Variants in VPS54 observed in about 807,000 individuals in gnomAD.
VPS54 encodes the protein VPS54 subunit of GARP complex.
In VPS54, 45 loss-of-function variants were observed where a neutral mutation model predicts 121.5. That is an observed-to-expected ratio of 0.37 (90% CI 0.29 to 0.47). The LOEUF is 0.47. VPS54 is among the 20% of genes least tolerant of loss of function. VPS54 has a pLI of 0.99. For missense variants in VPS54, 1,090 were observed against 1,131.4 expected, an observed-to-expected ratio of 0.96 and a Z score of 0.52; for synonymous variants, 371 against 385.8, an observed-to-expected ratio of 0.96 and a Z score of 0.45.
chr2:63,943,727 CTT>C (rs1553476083), intron 10 of VPS54, among the ~76,000 whole-genome samples: 2 of 129,600 alleles, frequency 1.5e-5, no homozygotes. Context: ...TTCTTTCTTT[CTT>C]TTTTTTTTTT....
chr2:64,014,456 A>G (rs1678586984), intron 1 of VPS54, among the ~76,000 whole-genome samples: 4 of 152,232 alleles, frequency 2.6e-5, no homozygotes, highest in African/African-American at 7.2e-5. Flanking sequence ...TTACTGTGCT[A>G]TAACGGTGAT....
chr2:63,921,111 A>G (rs1673622859), intron 13 of VPS54, 95 bp downstream of exon 13: 1 of 1,291,704 alleles, frequency 7.7e-7, no homozygotes, highest in South Asian at 1.8e-5. Flanking sequence ...TAAAAATATA[A>G]TATGCATTAT....
At chr2:63,972,580 T>C (rs1352080925) in intron 3 of VPS54, among the ~76,000 whole-genome samples, 3 of 152,170 alleles carry the variant, frequency 2.0e-5, no homozygotes, top group South Asian at 2.1e-4. Context: ...CAAAAACCTA[T>C]ATATCTAAGA....
In VPS54 at chr2:63,981,710, G is replaced by C; in HGVS notation, c.314C>G (p.Pro105Arg). 1 of 1,613,376 alleles carries C rather than the reference G, an allele frequency of 6.2e-7. No homozygotes were observed. Among genetic ancestry groups the C allele is most frequent in the Non-Finnish European group, 8.5e-7 (1 of 1,179,556 alleles). ...GLDFVDTEVI[P>R]SFYLPQISKE... is the part of the protein sequence containing the mutation. Reference sequence around the variant, plus strand: ...GCTGATCTGTGGGAGGTAGAATGAAGGTATGACTTCAGTGTCCACAAAGTC... The same window carrying C: ...GCTGATCTGTGGGAGGTAGAATGAACGTATGACTTCAGTGTCCACAAAGTC... The change falls in exon 3 of 23, where the codon CCT becomes CGT. Residue 105 changes from proline to arginine, a missense_variant. Around this residue, in one of 2 missense-constraint regions of VPS54, gnomAD observed 801 missense variants for 757.0 expected, o/e 1.06. Transcript: ENST00000272322.
intron 22 of VPS54, 33 bp from the exon 23 acceptor site, chr2:63,893,568 C>A (rs1338514691): frequency 3.2e-6 from 5 of 1,563,356 alleles, no homozygotes; most frequent in African/African-American, 2.7e-5. Context: ...TTTTTTAAAT[C>A]TCAAACTTTC....
chr2:63,947,849 T>C (rs1221966424), intron 8 of VPS54, among the ~76,000 whole-genome samples: 1 of 152,136 alleles, frequency 6.6e-6, no homozygotes, highest in East Asian at 1.9e-4. Context: ...TTTGCTTCTT[T>C]GTTTTGAGAC....
At chr2:63,927,977 G>C (rs1297950545) in intron 12 of VPS54, among the ~76,000 whole-genome samples, 1 of 152,170 alleles carries the variant, frequency 6.6e-6, no homozygotes, top group Non-Finnish European at 1.5e-5. Flanking sequence ...AGAGTGAAAA[G>C]AAATGAATAA....
At chr2:64,002,984 C>T (rs950912196) in intron 1 of VPS54, among the ~76,000 whole-genome samples, 8 of 152,148 alleles carry the variant, frequency 5.3e-5, no homozygotes, top group African/African-American at 1.7e-4. Flanking sequence ...GGTAAGAAAA[C>T]ATGGATTTAT....
chr2:63,931,381 C>G (rs1020621693), intron 12 of VPS54, among the ~76,000 whole-genome samples: 1 of 152,130 alleles, frequency 6.6e-6, no homozygotes, highest in African/African-American at 2.4e-5. Flanking sequence ...CTTTGACAAA[C>G]CTGACACATA....
intron 1 of VPS54, among the ~76,000 whole-genome samples, chr2:64,011,100 AT>A (rs1385178039): frequency 2.6e-5 from 4 of 152,246 alleles, no homozygotes; most frequent in Non-Finnish European, 5.9e-5. Context: ...AAATTTAAAT[AT>A]TTTTAAATGG....
chr2:63,909,169 A>G (rs2104424018), intron 20 of VPS54, among the ~76,000 whole-genome samples: 1 of 152,324 alleles, frequency 6.6e-6, no homozygotes, highest in South Asian at 2.1e-4. Context: ...CACTTTACAT[A>G]TATCCTACAT....
Position 63,893,212 on chromosome 2 carries a change from C to G in VPS54, c.*218G>C, listed in dbSNP as rs371586679. Reference sequence around the variant, plus strand: ...AGAGAATGAAAAATGTTATAGACACCTGATCAGTTACTCCTCACTGTAGGA... The same window carrying G: ...AGAGAATGAAAAATGTTATAGACACGTGATCAGTTACTCCTCACTGTAGGA... On this transcript the variant is annotated 3_prime_UTR_variant, in exon 23 of 23. Coordinates refer to ENST00000272322, the MANE Select transcript of VPS54 (RefSeq NM_016516.3). 95 of 603,688 alleles carry G rather than the reference C, an allele frequency of 1.6e-4. No homozygotes were observed. Among genetic ancestry groups the G allele is most frequent in the South Asian group, 1.3e-3 (68 of 53,838 alleles). 37.4% of individuals were successfully genotyped at this position (603,688 alleles called of 1,614,324 possible). A position where few individuals can be genotyped will look rare whatever the true frequency, so the allele number is the denominator to read the frequency against.
Position 63,957,095 on chromosome 2 carries a change from C to A in VPS54, c.1010+4963G>T, listed in dbSNP as rs143886901. 1.5e-4 allele frequency among the ~76,000 whole-genome samples: 23 copies of A among 152,174 alleles called. No individual in the cohort carries two copies. In the East Asian group the frequency reaches 4.4e-3, roughly 29 times the overall value. ...TGATATATATTGTTTCAATGATTAT[C>A]ATTTTTATTGGTAATAGATAGCAAA... On this transcript the variant is annotated intron_variant, in intron 7 of 22. Transcript: ENST00000272322.
chr2:63,895,396 G>A (rs34049772), intron 22 of VPS54, among the ~76,000 whole-genome samples: 14,658 of 152,296 alleles, frequency 0.096, 995 homozygotes, highest in Non-Finnish European at 0.14. Flanking sequence ...GGAGGTTGCA[G>A]TGAGCTGAGA....
intron 7 of VPS54, among the ~76,000 whole-genome samples, chr2:63,961,447 T>C (rs1413060590): frequency 6.6e-6 from 1 of 152,222 alleles, no homozygotes; most frequent in Non-Finnish European, 1.5e-5. Flanking sequence ...TCCCAGCAGA[T>C]ATGAACTTCT....
At chr2:63,987,655 T>C (rs1307705076) in intron 1 of VPS54, among the ~76,000 whole-genome samples, 2 of 147,022 alleles carry the variant, frequency 1.4e-5, no homozygotes, top group Non-Finnish European at 3.1e-5. Context: ...TTCCAATCCA[T>C]GAACACAGAA....
chr2:63,954,573 T>C (rs1675406299), intron 7 of VPS54, among the ~76,000 whole-genome samples: 1 of 152,070 alleles, frequency 6.6e-6, no homozygotes, highest in African/African-American at 2.4e-5. Context: ...GAAAGTGGGA[T>C]AGAATTAGAG....
intron 20 of VPS54, among the ~76,000 whole-genome samples, chr2:63,910,553 GATA>G (rs1405032355): frequency 6.6e-6 from 1 of 152,158 alleles, no homozygotes; most frequent in Non-Finnish European, 1.5e-5. Flanking sequence ...TGTTAGGTGT[GATA>G]ATAGTGTGGT....
chr2:63,906,380 T>A (rs773346798), intron 20 of VPS54, among the ~76,000 whole-genome samples: 1 of 152,172 alleles, frequency 6.6e-6, no homozygotes. Flanking sequence ...TATATTAGCA[T>A]TGAATAATTG....
Sources: gnomAD v4.1 joint callset for allele counts (sites outside exome capture counted in the v4.1 genomes callset) on GRCh38, gnomAD v4.1.1 for gene constraint, gnomAD v4.1.1 regional missense constraint, MANE v1.5 for transcripts, NCBI Gene and HGNC (gene_info 2026-07-23, HGNC 2026-07-21) for gene names.